The following FEZ1 variants were observed in gnomAD, a reference collection of about 807,000 sequenced individuals.
The protein encoded by FEZ1 is fasciculation and elongation protein zeta 1, also known as fasciculation and elongation protein zeta-1.
Under a neutral mutation model 49.3 loss-of-function variants are expected in FEZ1, and 20 were observed. That is an observed-to-expected ratio of 0.41 (90% CI 0.29 to 0.59). The LOEUF is 0.59. Ranked by LOEUF, FEZ1 falls within the 20% of genes least tolerant of loss-of-function variation. The probability of loss-of-function intolerance (pLI) is 0.36; values close to 1 mark genes in which losing one functional copy is unlikely to be tolerated. For synonymous variants in FEZ1, 170 were observed against 180.9 expected, an observed-to-expected ratio of 0.94 and a Z score of 0.48; for missense variants, 413 against 476.0, an observed-to-expected ratio of 0.87 and a Z score of 1.23.
At chr11:125,492,958 A>C (rs1239087012) in intron 1 of FEZ1, among the ~76,000 whole-genome samples, 1 of 143,848 alleles carries the variant, frequency 7.0e-6, no homozygotes, top group African/African-American at 2.6e-5. Context: ...ACAAAGTGAG[A>C]CCCTATCTTT....
At chr11:125,468,442 A>C (rs1422721129) in intron 3 of FEZ1, among the ~76,000 whole-genome samples, 2 of 152,094 alleles carry the variant, frequency 1.3e-5, no homozygotes, top group African/African-American at 4.8e-5. Context: ...TTCCTACTTC[A>C]GCCTCCCAAA....
chr11:125,477,601 A>G (rs1385108450), intron 3 of FEZ1, among the ~76,000 whole-genome samples: 1 of 152,180 alleles, frequency 6.6e-6, no homozygotes, highest in East Asian at 1.9e-4. Flanking sequence ...TGCCGCCTCT[A>G]CCTGACCTTT....
chr11:125,489,049 C>A lies in FEZ1; in HGVS notation c.311+418G>T. On this transcript the variant is annotated intron_variant, in intron 2 of 9. Coordinates refer to ENST00000278919, the MANE Select transcript of FEZ1 (RefSeq NM_005103.5). The surrounding 1 kb of genome is among the most constrained non-coding windows in gnomAD (Gnocchi z 4.2). The stretch of plus-strand genomic sequence containing the variant: ...CAGGCCTGAGGGGCTGTCAAAAATT[C>A]GGGATTTTCAAAATTCTGGTGTTTC... 1 of 986,790 alleles carries A rather than the reference C, an allele frequency of 1.0e-6. No individual in the cohort carries two copies. Among genetic ancestry groups the A allele is most frequent in the Non-Finnish European group, 1.2e-6 (1 of 831,028 alleles). 61.1% of individuals were successfully genotyped at this position (986,790 alleles called of 1,614,324 possible).
intron 2 of FEZ1, 177 bp from the exon 3 acceptor site, chr11:125,481,810 G>A (rs758360922): frequency 2.1e-5 from 13 of 614,374 alleles, no homozygotes; most frequent in Non-Finnish European, 2.9e-5. Context: ...ACATCCAGGG[G>A]AGAAAGTGCA....
intron 3 of FEZ1, among the ~76,000 whole-genome samples, chr11:125,473,006 A>G (rs1957196434): frequency 6.6e-6 from 1 of 152,190 alleles, no homozygotes; most frequent in Non-Finnish European, 1.5e-5. Context: ...TCCAAGATTT[A>G]TATGGAAATG....
At chr11:125,463,199 G>A (rs568358368) in intron 4 of FEZ1, 15 of 202,318 alleles carry the variant, frequency 7.4e-5, no homozygotes, top group East Asian at 2.9e-4. Context: ...CCAGCTACTC[G>A]GGAGGCTGAG....
chr11:125,453,587 G>C (rs1453319582), intron 7 of FEZ1: 1 of 152,316 alleles, frequency 6.6e-6, no homozygotes, highest in East Asian at 1.9e-4. Flanking sequence ...CTTTGCACCT[G>C]AGGGCTTAAC....
At chr11:125,482,054 A>G (rs1957285411) in intron 2 of FEZ1, among the ~76,000 whole-genome samples, 2 of 152,196 alleles carry the variant, frequency 1.3e-5, no homozygotes, top group Non-Finnish European at 2.9e-5. Context: ...GGAGAGAGAG[A>G]GAGAGGAACA....
At position 125,460,489 on chromosome 11, in the gene FEZ1, G is replaced by A; in HGVS notation, c.667+9C>T. On this transcript the variant is annotated intron_variant, in intron 5 of 9. Coordinates refer to ENST00000278919, the MANE Select transcript of FEZ1 (RefSeq NM_005103.5). ...CCTCCTCGGCCAGCCCAGCGCCCAGGGCCCTCACCTTCATAGGACCAGTTG... is the reference window on the plus strand; with the variant it reads ...CCTCCTCGGCCAGCCCAGCGCCCAGAGCCCTCACCTTCATAGGACCAGTTG... The A allele has an allele frequency of 6.2e-7, 1 of 1,612,428 alleles. No homozygotes were observed. Among genetic ancestry groups the A allele is most frequent in the South Asian group, 1.1e-5 (1 of 90,908 alleles).
In FEZ1 at chr11:125,495,576, A is replaced by G. The variant is rs969183292; in HGVS notation, c.-46+545T>C. The G allele has an allele frequency of 2.1e-6, 1 of 470,766 alleles. No homozygotes were observed. Among genetic ancestry groups the G allele is most frequent in the African/African-American group, 2.0e-5 (1 of 50,070 alleles). The allele number at this position is 470,766 out of a possible 1,614,324, so 29.2% of individuals were successfully genotyped here. A position where few individuals can be genotyped will look rare whatever the true frequency, so the allele number is the denominator to read the frequency against. On this transcript the variant is annotated intron_variant, in intron 1 of 9. Transcript: ENST00000278919. This position sits in a 1 kb window ranked among gnomAD's most constrained non-coding sequence, Gnocchi z 4.2. ...ACTGCAGGAATGCGCGGTCTGGGGA[A>G]GGCTCCGCACTCTGGGGAGGGGCAC...
At chr11:125,465,603 C>T (rs948912584) in intron 3 of FEZ1, among the ~76,000 whole-genome samples, 18 of 152,326 alleles carry the variant, frequency 1.2e-4, no homozygotes, top group Admixed American at 6.5e-4. Flanking sequence ...GAACCATACT[C>T]ATCCCTTATT....
chr11:125,490,126 C>T (rs1448429020), intron 1 of FEZ1, among the ~76,000 whole-genome samples: 2 of 152,094 alleles, frequency 1.3e-5, no homozygotes, highest in Middle Eastern at 3.2e-3. Flanking sequence ...TAAAACAGTA[C>T]CTGGAAGATA....
chr11:125,483,137 G>A (rs1264655182), intron 2 of FEZ1, among the ~76,000 whole-genome samples: 1 of 151,990 alleles, frequency 6.6e-6, no homozygotes, highest in Non-Finnish European at 1.5e-5. Context: ...ATACACCAGG[G>A]CACAGACACT....
Position 125,481,520 on chromosome 11 carries a change from C to A in FEZ1, c.411+14G>T, listed in dbSNP as rs753503836. ...ATCTCAAGCCCTGCTAAACCAGGGG[C>A]CCCGGAGAGGTACCTCAGTGTCAGA... is the stretch of plus-strand genomic sequence containing the variant. On this transcript the variant is annotated intron_variant, in intron 3 of 9. Coordinates refer to ENST00000278919, the MANE Select transcript of FEZ1 (RefSeq NM_005103.5). 1 of 1,527,430 alleles carries A rather than the reference C, an allele frequency of 6.5e-7. No individual in the cohort carries two copies. The highest frequency in any genetic ancestry group is 9.1e-7 in the Non-Finnish European group (1 of 1,100,962). 94.6% of individuals were successfully genotyped at this position (1,527,430 alleles called of 1,614,324 possible). A position where few individuals can be genotyped will look rare whatever the true frequency, so the allele number is the denominator to read the frequency against.
intron 7 of FEZ1, 195 bp from the exon 8 acceptor site, chr11:125,452,604 T>C (rs755451038): frequency 4.2e-5 from 23 of 546,862 alleles, no homozygotes; most frequent in Non-Finnish European, 7.1e-5. Flanking sequence ...CTTTCCCACA[T>C]TTCTCTCCAT....
intron 2 of FEZ1, among the ~76,000 whole-genome samples, chr11:125,487,495 G>C (rs1439556064): frequency 1.3e-5 from 2 of 152,022 alleles, no homozygotes; most frequent in East Asian, 1.9e-4. Flanking sequence ...AAAAATATTC[G>C]GCATAATAAA....
chr11:125,480,610 A>G (rs1251651761), intron 3 of FEZ1, among the ~76,000 whole-genome samples: 1 of 152,102 alleles, frequency 6.6e-6, no homozygotes, highest in African/African-American at 2.4e-5. Flanking sequence ...TCCGGCCTGA[A>G]CTGTTCATTT....
At chr11:125,454,875 G>A (rs1454075730) in intron 6 of FEZ1, among the ~76,000 whole-genome samples, 5 of 151,618 alleles carry the variant, frequency 3.3e-5, no homozygotes, top group South Asian at 2.1e-4. Context: ...TTAGCCAGGC[G>A]TGGTGGTGTG....
intron 2 of FEZ1, among the ~76,000 whole-genome samples, chr11:125,484,270 C>T (rs1464572634): frequency 1.3e-5 from 2 of 152,152 alleles, no homozygotes; most frequent in Non-Finnish European, 2.9e-5. Context: ...TTATACAAGG[C>T]AGATGCTAAT....
Sources: gnomAD v4.1 joint callset for allele counts (sites outside exome capture counted in the v4.1 genomes callset) on GRCh38, gnomAD v4.1.1 for gene constraint, Gnocchi (gnomAD v3.1) non-coding constraint, MANE v1.5 for transcripts, NCBI Gene and HGNC (gene_info 2026-07-23, HGNC 2026-07-21) for gene names.